HELZ: variants seen among roughly 807,000 people sequenced by gnomAD.
The protein encoded by HELZ is ATP-dependent RNA helicase with zinc finger domain.
HELZ carries 23 observed loss-of-function variants against 218.2 expected under a neutral mutation model. The ratio of observed to expected loss-of-function variants is 0.11; its 90% confidence interval spans 0.08 to 0.15. The LOEUF (loss-of-function observed/expected upper bound fraction) is 0.15, where lower values mean the gene tolerates loss of function less well. HELZ is among the 10% of genes least tolerant of loss of function. The probability of loss-of-function intolerance (pLI) is 1.00; values close to 1 mark genes in which losing one functional copy is unlikely to be tolerated. For missense variants in HELZ, 1,813 were observed against 2,353.7 expected (o/e 0.77, Z 4.75); for synonymous variants, 814 against 829.4 (o/e 0.98, Z 0.32).
chr17:67,236,588 T>C (rs1459177147), intron 3 of HELZ, among the ~76,000 whole-genome samples: 4 of 152,164 alleles, frequency 2.6e-5, no homozygotes, highest in Non-Finnish European at 5.9e-5. Context: ...TTTCAATATA[T>C]AAAGTTAAAT....
chr17:67,216,536 TTTTTCC>T (rs761422406), intron 4 of HELZ, among the ~76,000 whole-genome samples: 54 of 152,298 alleles, frequency 3.5e-4, no homozygotes, highest in Non-Finnish European at 6.2e-4. Context: ...TTCCTTTTTC[TTTTTCC>T]TTTTCCTTTC....
In HELZ at chr17:67,118,603, A is replaced by T. The variant is rs540884736; in HGVS notation, c.3838+1802T>A. ...CAGTGGCGTGTGCCTGTAGTCCCAG[A>T]TACTCAGGAGGCTGAGGTGAGAGGA... On this transcript the variant is annotated intron_variant, in intron 27 of 32. Transcript: ENST00000358691. Among the ~76,000 whole-genome samples the T allele has an allele frequency of 4.1e-4, 61 of 150,362 alleles. 1 individual carries two copies. In the East Asian group the frequency reaches 0.011, roughly 27 times the overall value.
At position 67,234,746 on chromosome 17, in the gene HELZ, C is replaced by G. The variant is rs546375828; in HGVS notation, c.-19+4687G>C. ...AACCCAGTCCTGACCTATTGGCAGT[C>G]TTACCTTCCATTATATTCCTTTATG... is the stretch of plus-strand genomic sequence containing the variant. On this transcript the variant is annotated intron_variant, in intron 3 of 32. Transcript: ENST00000358691. Among the ~76,000 whole-genome samples the G allele has an allele frequency of 5.9e-5, 9 of 152,036 alleles. No homozygotes were observed. In the East Asian group the frequency reaches 1.5e-3, roughly 26 times the overall value.
chr17:67,160,894 C>A lies in HELZ; in HGVS notation c.2075+3G>T. On this transcript the variant is annotated splice_donor_region_variant and intron_variant, in intron 16 of 32. Coordinates refer to ENST00000358691, the MANE Select transcript of HELZ (RefSeq NM_014877.4). Reference sequence around the variant, plus strand: ...AATATGAGCACGCTTCCCACCCTCTCACCTAGTCTCCTGTTGCTGCAGAAT... The same window carrying A: ...AATATGAGCACGCTTCCCACCCTCTAACCTAGTCTCCTGTTGCTGCAGAAT... 1 of 1,596,866 alleles carries A rather than the reference C, an allele frequency of 6.3e-7. No homozygotes were observed. Among genetic ancestry groups the A allele is most frequent in the South Asian group, 1.1e-5 (1 of 87,912 alleles).
At chr17:67,141,632 A>G (rs2038328048) in intron 21 of HELZ, among the ~76,000 whole-genome samples, 1 of 152,026 alleles carries the variant, frequency 6.6e-6, no homozygotes, top group Non-Finnish European at 1.5e-5. Context: ...TATAGTTTCT[A>G]TAGCCCATTG....
intron 31 of HELZ, among the ~76,000 whole-genome samples, chr17:67,087,810 T>A (rs906876525): frequency 1.3e-5 from 2 of 152,262 alleles, no homozygotes; most frequent in African/African-American, 4.8e-5. Flanking sequence ...ACAAGATCTA[T>A]GTGGCAGCCA....
At position 67,188,917 on chromosome 17, in the gene HELZ, G is replaced by A. The variant is rs897127340; in HGVS notation, c.865-301C>T. Reference sequence around the variant, plus strand: ...CTTTCCATACTCTTCACCTACAGAAGTTTCATGTAGCCTCAAGTAGGAAGC... The same window carrying A: ...CTTTCCATACTCTTCACCTACAGAAATTTCATGTAGCCTCAAGTAGGAAGC... On this transcript the variant is annotated intron_variant, in intron 11 of 32. Coordinates refer to ENST00000358691, the MANE Select transcript of HELZ (RefSeq NM_014877.4). This position sits in a 1 kb window ranked among gnomAD's most constrained non-coding sequence, Gnocchi z 4.1. 6.6e-6 allele frequency among the ~76,000 whole-genome samples: 1 copy of A among 152,080 alleles called. No homozygotes were observed. Among genetic ancestry groups the A allele is most frequent in the Non-Finnish European group, 1.5e-5 (1 of 68,012 alleles).
At chr17:67,120,340 T>C (rs1445323554) in intron 27 of HELZ, 65 bp downstream of exon 27, 16 of 1,323,830 alleles carry the variant, frequency 1.2e-5, no homozygotes, top group Non-Finnish European at 1.7e-5. Flanking sequence ...AAAGGAACTT[T>C]CTATGTGGCT....
At chr17:67,200,885 G>C (rs1031728218) in intron 7 of HELZ, 6 of 451,422 alleles carry the variant, frequency 1.3e-5, no homozygotes, top group Admixed American at 7.1e-5. Flanking sequence ...TAAGATACCA[G>C]TTCTGTCCAC....
chr17:67,192,877 A>AT (rs745749271), intron 9 of HELZ, among the ~76,000 whole-genome samples: 9 of 152,236 alleles, frequency 5.9e-5, no homozygotes, highest in Non-Finnish European at 1.2e-4. Flanking sequence ...AAATTTTGAA[A>AT]GGTTAGCCCT....
At chr17:67,204,867 T>C (rs1350009099) in intron 5 of HELZ, among the ~76,000 whole-genome samples, 1 of 152,156 alleles carries the variant, frequency 6.6e-6, no homozygotes, top group African/African-American at 2.4e-5. Flanking sequence ...TTGAGTGTCT[T>C]ATAAAGTTCC....
rs2036086633 is a variant in HELZ at position 67,078,514 on chromosome 17, T to C, written c.5567A>G (p.Asn1856Ser). Residue 1856 changes from asparagine (N) to serine (S), a missense_variant, in exon 33 of 33, where the codon AAC (asparagine) becomes AGC (serine). Around this residue, in one of 4 missense-constraint regions of HELZ, gnomAD observed 938 missense variants for 1,027.5 expected, o/e 0.91. Transcript: ENST00000358691. ...SENLEVSSSF[N>S]YSVLQHLGQF... ...GCCAAGATGCTGCAGCACACTGTAG[T>C]TGAAGGAACTGGACACCTCGAGGTT... 1 of 1,533,450 alleles carries C rather than the reference T, an allele frequency of 6.5e-7. No individual in the cohort carries two copies. Among genetic ancestry groups the C allele is most frequent in the Non-Finnish European group, 8.7e-7 (1 of 1,143,984 alleles). 95.0% of individuals were successfully genotyped at this position (1,533,450 alleles called of 1,614,324 possible).
chr17:67,224,987 C>T, intron 3 of HELZ: 1 of 696,940 alleles, frequency 1.4e-6, no homozygotes, highest in Non-Finnish European at 2.7e-6. Context: ...TAAAAAGATG[C>T]AAGCATTTTG....
intron 10 of HELZ, 88 bp downstream of exon 10, chr17:67,190,069 A>G: frequency 8.7e-7 from 1 of 1,143,982 alleles, no homozygotes; most frequent in Non-Finnish European, 1.3e-6. Context: ...AAGATAAGGA[A>G]ATAAACCAAA....
At chr17:67,125,535 C>T (rs1333840396) in intron 24 of HELZ, among the ~76,000 whole-genome samples, 8 of 151,530 alleles carry the variant, frequency 5.3e-5, no homozygotes, top group Non-Finnish European at 1.2e-4. Context: ...AGTTCCAAAA[C>T]GGTGACAAAC....
rs1019801835 is a variant in HELZ, at chr17:67,180,877, C to CAA, written c.1163-1953_1163-1952dup. On this transcript the variant is annotated intron_variant, in intron 12 of 32. Transcript: ENST00000358691. ...TGGGCGACAGAGTGAGACTCCATCT[C>CAA]AAAAAAAAAAAAAAAAAAAAAAAAT... 6.7e-3 allele frequency among the ~76,000 whole-genome samples: 275 copies of CAA among 41,348 alleles called. 4 individuals carry two copies. Among genetic ancestry groups the CAA allele is most frequent in the African/African-American group, 0.011 (110 of 10,456 alleles). The allele number at this position is 41,348 out of a possible 152,430, so 27.1% of individuals were successfully genotyped here.
intron 28 of HELZ, among the ~76,000 whole-genome samples, chr17:67,113,984 C>T (rs1025479535): frequency 2.6e-5 from 4 of 152,170 alleles, no homozygotes; most frequent in Non-Finnish European, 5.9e-5. Flanking sequence ...AGTAAGTCTT[C>T]CCCTCTCTGA....
At chr17:67,139,196 A>T (rs1046206390) in intron 21 of HELZ, among the ~76,000 whole-genome samples, 1 of 152,158 alleles carries the variant, frequency 6.6e-6, no homozygotes, top group African/African-American at 2.4e-5. Flanking sequence ...TCCAGATACA[A>T]ATTCAGTGAA....
At chr17:67,088,233 T>A (rs1176468442) in intron 31 of HELZ, among the ~76,000 whole-genome samples, 1 of 152,226 alleles carries the variant, frequency 6.6e-6, no homozygotes, top group African/African-American at 2.4e-5. Context: ...TTCTTTTTCC[T>A]CTTTTCTTTT....
Sources: allele counts gnomAD v4.1 joint callset (sites outside exome capture counted in the v4.1 genomes callset), GRCh38; gene constraint gnomAD v4.1.1; regional missense constraint gnomAD v4.1.1; non-coding constraint Gnocchi (gnomAD v3.1); transcripts MANE v1.5; gene names NCBI Gene and HGNC (gene_info 2026-07-23, HGNC 2026-07-21).